Variants in MSI2 observed in about 807,000 individuals in gnomAD.
MSI2 encodes the protein musashi RNA binding protein 2, also known as RNA-binding protein Musashi homolog 2.
In MSI2, 17 loss-of-function variants were observed where a neutral mutation model predicts 45.6. That is an observed-to-expected ratio of 0.37 (90% CI 0.26 to 0.56). The LOEUF (loss-of-function observed/expected upper bound fraction) is 0.56. Among genes scored for constraint, MSI2 ranks in the 20% least tolerant of loss-of-function variants. The pLI, the probability that MSI2 is intolerant of heterozygous loss-of-function variation, is 0.77. For synonymous variants in MSI2, 156 were observed against 158.2 expected, an observed-to-expected ratio of 0.99 and a Z score of 0.11; for missense variants, 293 against 444.2, an observed-to-expected ratio of 0.66 and a Z score of 3.06.
At chr17:57,620,768 G>T (rs959140427) in intron 9 of MSI2, among the ~76,000 whole-genome samples, 1 of 152,176 alleles carries the variant, frequency 6.6e-6, no homozygotes, top group African/African-American at 2.4e-5. Flanking sequence ...CTGTGGTGAG[G>T]CCATCCATAT....
chr17:57,550,044 C>A (rs1368163326), intron 7 of MSI2, among the ~76,000 whole-genome samples: 7 of 152,296 alleles, frequency 4.6e-5, no homozygotes, highest in African/African-American at 1.4e-4. Context: ...GGGAAGCCAC[C>A]CTGCCTGTCT....
intron 7 of MSI2, among the ~76,000 whole-genome samples, chr17:57,561,487 G>A (rs1401624263): frequency 6.6e-6 from 1 of 152,138 alleles, no homozygotes; most frequent in African/African-American, 2.4e-5. Context: ...TTGAACTAGC[G>A]GGTCAGAGAC....
At chr17:57,381,211 G>T (rs914936092) in intron 5 of MSI2, among the ~76,000 whole-genome samples, 1 of 152,048 alleles carries the variant, frequency 6.6e-6, no homozygotes, top group Non-Finnish European at 1.5e-5. Flanking sequence ...GGGACTACAG[G>T]TGTACCACCA....
At chr17:57,405,074 T>C (rs1383012757) in intron 6 of MSI2, among the ~76,000 whole-genome samples, 1 of 152,064 alleles carries the variant, frequency 6.6e-6, no homozygotes, top group East Asian at 1.9e-4. Flanking sequence ...TGTCTGTCCT[T>C]GGAGAAGGGT....
At chr17:57,348,446 G>A (rs1915781674) in intron 5 of MSI2, among the ~76,000 whole-genome samples, 2 of 152,176 alleles carry the variant, frequency 1.3e-5, no homozygotes, top group South Asian at 4.1e-4. Context: ...GGCCTAGTGG[G>A]AGGTATTGGA....
chr17:57,283,649 CA>C (rs1356178863), intron 5 of MSI2, among the ~76,000 whole-genome samples: 1 of 152,088 alleles, frequency 6.6e-6, no homozygotes. Context: ...AACAAACAAA[CA>C]AAAAAACTCG....
At chr17:57,268,190 G>A (rs1351900871) in intron 5 of MSI2, 1 of 152,152 alleles carries the variant, frequency 6.6e-6, no homozygotes, top group East Asian at 1.9e-4. Flanking sequence ...AACAAGCACC[G>A]ACCGTTTGCC....
chr17:57,701,164 C>T, the MSI2 span, among the ~76,000 whole-genome samples: 2 of 152,238 alleles, frequency 1.3e-5, no homozygotes. Flanking sequence ...GAGGCAGCTG[C>T]CATGATTGTA....
At chr17:57,492,175 G>A (rs2085885839) in intron 6 of MSI2, among the ~76,000 whole-genome samples, 1 of 152,188 alleles carries the variant, frequency 6.6e-6, no homozygotes, top group African/African-American at 2.4e-5. Flanking sequence ...AGTAAAGCGA[G>A]GCATCGTTCT....
At chr17:57,676,272 G>A (rs1454888826) in intron 12 of MSI2, among the ~76,000 whole-genome samples, 4 of 151,980 alleles carry the variant, frequency 2.6e-5, no homozygotes, top group African/African-American at 7.3e-5. Flanking sequence ...GCACGCACAC[G>A]CACGCACACA....
intron 7 of MSI2, among the ~76,000 whole-genome samples, chr17:57,567,698 G>C (rs2087769444): frequency 1.3e-5 from 2 of 152,238 alleles, no homozygotes; most frequent in Non-Finnish European, 2.9e-5. Flanking sequence ...CCCAGGCATT[G>C]GGAAGTCGGG....
chr17:57,329,801 C>T (rs1914096336), intron 5 of MSI2, among the ~76,000 whole-genome samples: 1 of 152,198 alleles, frequency 6.6e-6, no homozygotes, highest in Non-Finnish European at 1.5e-5. Context: ...CGTAATTTTG[C>T]AGAACGGACA....
At chr17:57,558,023 G>T (rs1000914690) in intron 7 of MSI2, among the ~76,000 whole-genome samples, 1 of 152,274 alleles carries the variant, frequency 6.6e-6, no homozygotes, top group Non-Finnish European at 1.5e-5. Flanking sequence ...GAAGAATGAG[G>T]GAGTTAGGAG....
At chr17:57,431,510 C>T (rs2084593421) in intron 6 of MSI2, among the ~76,000 whole-genome samples, 2 of 152,270 alleles carry the variant, frequency 1.3e-5, no homozygotes, top group East Asian at 1.9e-4. Flanking sequence ...GTAGCATGGT[C>T]GGTGCGGCAT....
At position 57,502,231 on chromosome 17, in the gene MSI2, T is replaced by C. The variant is rs192700262; in HGVS notation, c.406-27445T>C. ...GCCACGTGCACCTGGCATTTCACAC[T>C]TGGCACCTGGTTCTTTACCACATTA... On this transcript the variant is annotated intron_variant, in intron 6 of 13. Coordinates refer to ENST00000284073, the MANE Select transcript of MSI2 (RefSeq NM_138962.4). Among the ~76,000 whole-genome samples, 363 of 152,290 alleles carry C rather than the reference T, an allele frequency of 2.4e-3. 1 individual carries two copies. The highest frequency in any genetic ancestry group is 8.6e-3 in the African/African-American group (357 of 41,562).
chr17:57,619,179 A>G (rs191324982), intron 9 of MSI2, among the ~76,000 whole-genome samples: 10 of 152,306 alleles, frequency 6.6e-5, no homozygotes, highest in African/African-American at 2.4e-4. Context: ...CATCTCCATA[A>G]TCACCCAAGC....
chr17:57,429,750 A>C (rs1168348585), intron 6 of MSI2, among the ~76,000 whole-genome samples: 3 of 149,796 alleles, frequency 2.0e-5, no homozygotes, highest in Admixed American at 1.3e-4. Flanking sequence ...AAAAAAAAAA[A>C]CAATTAAAAT....
In MSI2 at chr17:57,603,081, C is replaced by G. The variant is rs200021240; in HGVS notation, c.537+6131C>G. Among the ~76,000 whole-genome samples the G allele has an allele frequency of 2.7e-4, 41 of 152,300 alleles. No homozygotes were observed. In the East Asian group the frequency reaches 7.5e-3, roughly 28 times the overall value. On this transcript the variant is annotated intron_variant, in intron 8 of 13. Coordinates refer to ENST00000284073, the MANE Select transcript of MSI2 (RefSeq NM_138962.4). Reference sequence around the variant, plus strand: ...AAATGGGGCCAAACCAGGCCTGGCACCTGGACCTCCAGGCCAGTCTGGTGC... The same window carrying G: ...AAATGGGGCCAAACCAGGCCTGGCAGCTGGACCTCCAGGCCAGTCTGGTGC...
chr17:57,700,128 A>C, the MSI2 span, among the ~76,000 whole-genome samples: 1 of 152,208 alleles, frequency 6.6e-6, no homozygotes, highest in South Asian at 2.1e-4. Context: ...TAGTGACAGC[A>C]TTTGGCTGGA....
Sources: allele counts gnomAD v4.1 joint callset (sites outside exome capture counted in the v4.1 genomes callset), GRCh38; gene constraint gnomAD v4.1.1; transcripts MANE v1.5; gene names NCBI Gene and HGNC (gene_info 2026-07-23, HGNC 2026-07-21).